Variants in IMMP2L observed in about 807,000 individuals in gnomAD.
The protein encoded by IMMP2L is inner mitochondrial membrane peptidase subunit 2, also known as mitochondrial inner membrane protease subunit 2.
A neutral mutation model predicts 19.3 loss-of-function variants in IMMP2L; 18 were observed. The observed-to-expected ratio is 0.93, with a 90% confidence interval of 0.64 to 1.38. The LOEUF (loss-of-function observed/expected upper bound fraction) is 1.38, where lower values mean the gene tolerates loss of function less well. Ranked by LOEUF, IMMP2L falls within the 40% of genes most tolerant of loss-of-function variation. The pLI is 0.00. For synonymous variants in IMMP2L, 76 were observed against 73.0 expected, an observed-to-expected ratio of 1.04 and a Z score of -0.21; for missense variants, 233 against 218.2, an observed-to-expected ratio of 1.07 and a Z score of -0.43.
chr7:111,489,620 C>T (rs985385911), intron 2 of IMMP2L, among the ~76,000 whole-genome samples: 1 of 152,132 alleles, frequency 6.6e-6, no homozygotes, highest in Non-Finnish European at 1.5e-5. Flanking sequence ...AGATTTTCTA[C>T]AAAGCAAGAG....
chr7:111,123,898 A>C lies in IMMP2L; in HGVS notation c.240-160333T>G, dbSNP rs771780819. On this transcript the variant is annotated intron_variant, in intron 3 of 5. Coordinates refer to ENST00000405709, the MANE Select transcript of IMMP2L (RefSeq NM_032549.4). This position sits in a 1 kb window ranked among gnomAD's most constrained non-coding sequence, Gnocchi z 6.4. The stretch of plus-strand genomic sequence containing the variant: ...TAACCCCATCAGGTGTGACTGTGTC[A>C]TCCGTTGGATGAACATGAACAAAAC... 5.6e-6 allele frequency: 9 copies of C among 1,613,932 alleles called. No homozygotes were observed. Among genetic ancestry groups the C allele is most frequent in the Non-Finnish European group, 7.6e-6 (9 of 1,180,012 alleles).
intron 5 of IMMP2L, among the ~76,000 whole-genome samples, chr7:110,813,982 T>C (rs1375744701): frequency 6.6e-6 from 1 of 152,044 alleles, no homozygotes; most frequent in Non-Finnish European, 1.5e-5. Context: ...CCATACTTAA[T>C]TCAGAACACA....
At chr7:111,153,941 T>G (rs1804349939) in intron 3 of IMMP2L, among the ~76,000 whole-genome samples, 1 of 152,126 alleles carries the variant, frequency 6.6e-6, no homozygotes, top group South Asian at 2.1e-4. Context: ...TTCCTAACAC[T>G]TATTCAAATT....
intron 3 of IMMP2L, among the ~76,000 whole-genome samples, chr7:111,295,650 T>C (rs1214190868): frequency 6.6e-6 from 1 of 151,868 alleles, no homozygotes; most frequent in Admixed American, 6.6e-5. Flanking sequence ...CAAAACTCTC[T>C]GGCTGTTCTA....
chr7:111,429,310 G>C (rs1360167870), intron 3 of IMMP2L, among the ~76,000 whole-genome samples: 1 of 151,814 alleles, frequency 6.6e-6, no homozygotes, highest in Non-Finnish European at 1.5e-5. Flanking sequence ...CTAATCTCCA[G>C]AAACAATTAA....
intron 4 of IMMP2L, among the ~76,000 whole-genome samples, chr7:110,952,811 T>C (rs534752748): frequency 6.6e-6 from 1 of 152,282 alleles, no homozygotes; most frequent in South Asian, 2.1e-4. Context: ...TTCTAATATT[T>C]CATTTTAGAT....
Position 110,686,025 on chromosome 7 carries a change from C to G in IMMP2L, c.409-22304G>C, listed in dbSNP as rs1584499327. ...GAATTTTCCTAGCAAAATAACACTG[C>G]ATTATAAATGTTGCCAGTTTCTGAT... On this transcript the variant is annotated intron_variant, in intron 5 of 5. Coordinates refer to ENST00000405709, the MANE Select transcript of IMMP2L (RefSeq NM_032549.4). 3.9e-5 allele frequency among the ~76,000 whole-genome samples: 6 copies of G among 152,242 alleles called. 2 individuals are homozygous for G. Among genetic ancestry groups the G allele is most frequent in the Admixed American group, 3.9e-4 (6 of 15,276 alleles).
intron 4 of IMMP2L, among the ~76,000 whole-genome samples, chr7:110,935,020 T>G (rs560412179): frequency 6.6e-6 from 1 of 152,216 alleles, no homozygotes; most frequent in Non-Finnish European, 1.5e-5. Context: ...TTTTTATGTG[T>G]GAATTTGATC....
At chr7:111,454,505 G>A (rs1839511970) in intron 3 of IMMP2L, among the ~76,000 whole-genome samples, 1 of 151,870 alleles carries the variant, frequency 6.6e-6, no homozygotes, top group Non-Finnish European at 1.5e-5. Flanking sequence ...ACTAAAGGAA[G>A]TATAAAAGGA....
At chr7:111,151,185 T>G (rs1230801593) in intron 3 of IMMP2L, among the ~76,000 whole-genome samples, 1 of 152,206 alleles carries the variant, frequency 6.6e-6, no homozygotes, top group East Asian at 1.9e-4. Flanking sequence ...CAATCAGCAT[T>G]TGTTGAACTT....
chr7:111,344,584 G>A (rs1161540605), intron 3 of IMMP2L, among the ~76,000 whole-genome samples: 1 of 152,198 alleles, frequency 6.6e-6, no homozygotes, highest in Non-Finnish European at 1.5e-5. Context: ...CAAAAAGGCA[G>A]GGAAGCTGTC....
At chr7:111,405,301 C>A (rs2131453112) in intron 3 of IMMP2L, among the ~76,000 whole-genome samples, 1 of 152,110 alleles carries the variant, frequency 6.6e-6, no homozygotes, top group South Asian at 2.1e-4. Flanking sequence ...AGTATACAGG[C>A]ACCACGAACA....
chr7:111,319,401 G>T (rs1166419203), intron 3 of IMMP2L, among the ~76,000 whole-genome samples: 1 of 151,988 alleles, frequency 6.6e-6, no homozygotes, highest in African/African-American at 2.4e-5. Context: ...ATAATATAAT[G>T]TTATTTCCAA....
chr7:110,765,665 T>G (rs1798612483), intron 5 of IMMP2L, among the ~76,000 whole-genome samples: 1 of 152,182 alleles, frequency 6.6e-6, no homozygotes, highest in African/African-American at 2.4e-5. Flanking sequence ...AAAATTTCTT[T>G]TATTTTTAAT....
chr7:110,954,656 T>G (rs1818185689), intron 4 of IMMP2L, among the ~76,000 whole-genome samples: 1 of 152,116 alleles, frequency 6.6e-6, no homozygotes, highest in Non-Finnish European at 1.5e-5. Context: ...GTTAAGTAAT[T>G]TGCCAAAGTG....
intron 3 of IMMP2L, among the ~76,000 whole-genome samples, chr7:111,352,742 C>T (rs950080102): frequency 2.0e-5 from 3 of 152,106 alleles, no homozygotes; most frequent in Non-Finnish European, 2.9e-5. Context: ...CGGTGAGAGG[C>T]ATTGGACCTG....
At chr7:111,303,646 T>C (rs966356157) in intron 3 of IMMP2L, among the ~76,000 whole-genome samples, 2 of 152,232 alleles carry the variant, frequency 1.3e-5, no homozygotes, top group South Asian at 4.1e-4. Flanking sequence ...GAAATAATAA[T>C]GGCAAAAACA....
intron 3 of IMMP2L, among the ~76,000 whole-genome samples, chr7:111,138,766 G>GA (rs1802588139): frequency 1.3e-5 from 2 of 152,268 alleles, no homozygotes; most frequent in South Asian, 4.1e-4. Context: ...TCATGAACCT[G>GA]AAAAGATAGT....
At chr7:111,268,618 A>G (rs1254032146) in intron 3 of IMMP2L, among the ~76,000 whole-genome samples, 2 of 69,398 alleles carry the variant, frequency 2.9e-5, no homozygotes, top group African/African-American at 1.3e-4. Context: ...TTTGAGACCA[A>G]GTCTTGCTCT....
Sources: allele counts gnomAD v4.1 joint callset (sites outside exome capture counted in the v4.1 genomes callset), GRCh38; gene constraint gnomAD v4.1.1; non-coding constraint Gnocchi (gnomAD v3.1); transcripts MANE v1.5; gene names NCBI Gene and HGNC (gene_info 2026-07-23, HGNC 2026-07-21).